COL4A1: variants seen among roughly 807,000 people sequenced by gnomAD.
COL4A1 encodes the protein collagen alpha-1(IV) chain.
In COL4A1, 40 loss-of-function variants were observed where a neutral mutation model predicts 216.6. That is an observed-to-expected ratio of 0.18 (90% CI 0.14 to 0.24). COL4A1 has a LOEUF of 0.24. COL4A1 is among the 10% of genes least tolerant of loss of function. The probability of loss-of-function intolerance (pLI) is 1.00; values close to 1 mark genes in which losing one functional copy is unlikely to be tolerated. For missense variants in COL4A1, 1,628 were observed against 2,196.8 expected, an observed-to-expected ratio of 0.74 and a Z score of 5.18; for synonymous variants, 839 against 810.7, an observed-to-expected ratio of 1.03 and a Z score of -0.59.
chr13:110,201,948 C>T (rs1157436169), intron 18 of COL4A1, among the ~76,000 whole-genome samples: 1 of 152,222 alleles, frequency 6.6e-6, no homozygotes. Flanking sequence ...CACCACTGCA[C>T]TCCGGCCTGG....
At chr13:110,272,838 C>T (rs1337026006) in intron 1 of COL4A1, among the ~76,000 whole-genome samples, 1 of 152,180 alleles carries the variant, frequency 6.6e-6, no homozygotes, top group African/African-American at 2.4e-5. Flanking sequence ...TATGATGTGG[C>T]TGATGTCAGA....
At chr13:110,283,985 A>T (rs915996160) in intron 1 of COL4A1, among the ~76,000 whole-genome samples, 1 of 152,094 alleles carries the variant, frequency 6.6e-6, no homozygotes, top group Non-Finnish European at 1.5e-5. Flanking sequence ...GCCTTCAGCA[A>T]AGGGTCTGTC....
chr13:110,229,354 G>A (rs1315906891), intron 2 of COL4A1, among the ~76,000 whole-genome samples: 2 of 152,206 alleles, frequency 1.3e-5, no homozygotes, highest in Non-Finnish European at 2.9e-5. Context: ...GGTTTTAGAG[G>A]TCAGAGTCCC....
intron 42 of COL4A1, among the ~76,000 whole-genome samples, chr13:110,170,255 T>C (rs1179635293): frequency 6.6e-6 from 1 of 152,152 alleles, no homozygotes; most frequent in Non-Finnish European, 1.5e-5. Flanking sequence ...AACCCACAAG[T>C]GGGCCCAAGT....
intron 2 of COL4A1, among the ~76,000 whole-genome samples, chr13:110,236,985 A>G (rs1295061742): frequency 6.6e-6 from 1 of 152,012 alleles, no homozygotes; most frequent in African/African-American, 2.4e-5. Flanking sequence ...TAGTTGTTGA[A>G]CCGGGCTGGA....
rs1369604299 is a variant in COL4A1, at chr13:110,268,798, T to C, written c.85-26064A>G. ...CCTGGCACGTGGGAGGCTCAACAAA[T>C]CTGACTCTGTCATCCGCCCATCTTC... On this transcript the variant is annotated intron_variant, in intron 1 of 51. Coordinates refer to ENST00000375820, the MANE Select transcript of COL4A1 (RefSeq NM_001845.6). This position sits in a 1 kb window ranked among gnomAD's most constrained non-coding sequence, Gnocchi z 4.1. Among the ~76,000 whole-genome samples, 1 of 152,110 alleles carries C rather than the reference T, an allele frequency of 6.6e-6. No homozygotes were observed. Among genetic ancestry groups the C allele is most frequent in the Non-Finnish European group, 1.5e-5 (1 of 68,020 alleles).
intron 1 of COL4A1, among the ~76,000 whole-genome samples, chr13:110,279,673 G>GT (rs1337267977): frequency 4.6e-5 from 7 of 152,174 alleles, no homozygotes; most frequent in African/African-American, 1.7e-4. Context: ...ACACAGAAGT[G>GT]TTTAACAGGA....
chr13:110,161,582 T>C (rs903738007), intron 48 of COL4A1, among the ~76,000 whole-genome samples: 8 of 152,268 alleles, frequency 5.3e-5, no homozygotes, highest in Admixed American at 4.6e-4. Flanking sequence ...AGCTGAATTC[T>C]AGAAGGAACT....
At chr13:110,271,671 C>T (rs1283336126) in intron 1 of COL4A1, among the ~76,000 whole-genome samples, 1 of 152,114 alleles carries the variant, frequency 6.6e-6, no homozygotes, top group Non-Finnish European at 1.5e-5. Flanking sequence ...GGCGATGTGA[C>T]AGCTAAATGC....
chr13:110,206,678 T>G lies in COL4A1; in HGVS notation c.845A>C (p.Lys282Thr), dbSNP rs779990718. The G allele has an allele frequency of 6.2e-7, 1 of 1,614,226 alleles. No homozygotes were observed. The highest frequency in any genetic ancestry group is 1.1e-5 in the South Asian group (1 of 91,086). ...GAAAGCACTTACTCTGGGTCCTGGT[T>G]TTCCGGGTTCACCTTTCTCTCCGAC... is the stretch of plus-strand genomic sequence containing the variant. The part of the protein sequence containing the change: ...PGVGEKGEPG[K>T]PGPRGKPGKD... Residue 282 changes from lysine (K) to threonine (T), a missense_variant, in exon 15 of 52, where the codon AAA becomes ACA. Transcript: ENST00000375820.
intron 1 of COL4A1, among the ~76,000 whole-genome samples, chr13:110,303,580 T>C (rs6492257): frequency 0.63 from 96,196 of 152,124 alleles, 30,888 homozygotes; most frequent in Admixed American, 0.73. Context: ...ACCATCACAG[T>C]GCACATGGAA....
chr13:110,203,777 G>C (rs547842908), intron 17 of COL4A1, among the ~76,000 whole-genome samples, 170 bp from the exon 18 acceptor site: 1 of 152,216 alleles, frequency 6.6e-6, no homozygotes, highest in African/African-American at 2.4e-5. Context: ...AAAATGAATA[G>C]ATTTCATTTT....
rs490727 is a variant in COL4A1, at chr13:110,192,696, A to T, written c.1465+134T>A. 1 of 697,410 alleles carries T rather than the reference A, an allele frequency of 1.4e-6. No individual in the cohort carries two copies. Among genetic ancestry groups the T allele is most frequent in the Non-Finnish European group, 2.4e-6 (1 of 410,820 alleles). The allele number at this position is 697,410 out of a possible 1,614,324, so 43.2% of individuals were successfully genotyped here. A position where few individuals can be genotyped will look rare whatever the true frequency, so the allele number is the denominator to read the frequency against. On this transcript the variant is annotated intron_variant, in intron 23 of 51. Coordinates refer to ENST00000375820, the MANE Select transcript of COL4A1 (RefSeq NM_001845.6). The stretch of plus-strand genomic sequence containing the variant: ...TGGACAAATCCTGGAAGTGGGGCCC[A>T]ACATTCTTCTGATTATGCTTTAGGA...
At chr13:110,176,534 G>A in intron 35 of COL4A1, 21 bp from the exon 36 acceptor site, 2 of 1,602,066 alleles carry the variant, frequency 1.2e-6, no homozygotes, top group Middle Eastern at 1.7e-4. Flanking sequence ...AAAGAAAGCA[G>A]TCTGACAGGT....
At chr13:110,287,150 A>G (rs619152) in intron 1 of COL4A1, among the ~76,000 whole-genome samples, 98,472 of 152,114 alleles carry the variant, frequency 0.65, 32,177 homozygotes, top group East Asian at 0.91. Flanking sequence ...AGGCCAAGCC[A>G]CAGGGCACTG....
rs1877333865 is a variant in COL4A1, at chr13:110,166,299, T to A, written c.3954A>T (p.Pro1318=). The A allele has an allele frequency of 6.2e-7, 1 of 1,607,736 alleles. No individual in the cohort carries two copies. The highest frequency in any genetic ancestry group is 1.3e-5 in the African/African-American group (1 of 74,774). Residue 1318 remains proline (P), a synonymous_variant, in exon 45 of 52, where the codon CCA becomes CCT. Coordinates refer to ENST00000375820, the MANE Select transcript of COL4A1 (RefSeq NM_001845.6). ...TTCCCTGGAGGCCAGGAAGACCTTT[T>A]GGACCTAAAAGCAGAGGGAAAGCAC... ...GPPGVPGFQG[P]KGLPGLQGIK...
chr13:110,218,028 C>G (rs952720470), intron 2 of COL4A1, among the ~76,000 whole-genome samples: 52 of 152,308 alleles, frequency 3.4e-4, no homozygotes, highest in African/African-American at 1.2e-3. Flanking sequence ...AAAGCAAATA[C>G]TCTAATAAGC....
At chr13:110,235,619 A>G (rs1188330893) in intron 2 of COL4A1, among the ~76,000 whole-genome samples, 1 of 149,488 alleles carries the variant, frequency 6.7e-6, no homozygotes, top group African/African-American at 2.5e-5. Flanking sequence ...AGATGACGCC[A>G]CTGCACACCA....
At chr13:110,155,180 C>A (rs370359849) in intron 50 of COL4A1, 103 bp downstream of exon 50, 2 of 839,380 alleles carry the variant, frequency 2.4e-6, no homozygotes, top group East Asian at 2.5e-5. Context: ...GCTTAAGCAG[C>A]GAGATGCAGA....
Sources: gnomAD v4.1 joint callset for allele counts (sites outside exome capture counted in the v4.1 genomes callset) on GRCh38, gnomAD v4.1.1 for gene constraint, Gnocchi (gnomAD v3.1) non-coding constraint, MANE v1.5 for transcripts, NCBI Gene and HGNC (gene_info 2026-07-23, HGNC 2026-07-21) for gene names.